Variants in ANK2 observed in about 807,000 individuals in gnomAD.
ANK2 encodes ankyrin-2.
In ANK2, 83 loss-of-function variants were observed where a neutral mutation model predicts 360.5. The ratio of observed to expected loss-of-function variants is 0.23; its 90% CI spans 0.19 to 0.28. The LOEUF (loss-of-function observed/expected upper bound fraction) is 0.28. Among genes scored for constraint, ANK2 ranks in the 10% least tolerant of loss-of-function variants. ANK2 has a pLI of 1.00. For missense variants in ANK2, 4,201 were observed against 4,795.7 expected (o/e 0.88, Z 3.66); for synonymous variants, 1,740 against 1,759.5 (o/e 0.99, Z 0.28).
chr4:113,120,881 CTT>C (rs2095311245), intron 1 of ANK2, among the ~76,000 whole-genome samples: 1 of 152,104 alleles, frequency 6.6e-6, no homozygotes, highest in African/African-American at 2.4e-5. Flanking sequence ...ATATTTATCA[CTT>C]AAATTCAGGA....
At position 113,244,773 on chromosome 4, in the gene ANK2, G is replaced by A. The variant is rs115439348; in HGVS notation, c.891+2564G>A. ...CTAATGCTATCCCTCTCCTACACCCGTCCCCCAACAGGCCCCAGTGTGCGA... is the reference window on the plus strand; with the variant it reads ...CTAATGCTATCCCTCTCCTACACCCATCCCCCAACAGGCCCCAGTGTGCGA... On this transcript the variant is annotated intron_variant, in intron 9 of 45. Transcript: ENST00000357077. Among the ~76,000 whole-genome samples the A allele has an allele frequency of 5.8e-3, 876 of 151,976 alleles. 8 individuals carry two copies. Among genetic ancestry groups the A allele is most frequent in the African/African-American group, 0.02 (828 of 41,460 alleles).
intron 1 of ANK2, among the ~76,000 whole-genome samples, chr4:113,143,031 G>A (rs1337466266): frequency 6.6e-6 from 1 of 151,320 alleles, no homozygotes; most frequent in Non-Finnish European, 1.5e-5. Flanking sequence ...GTTTAGGTCA[G>A]TGTAGTCCAG....
the ANK2 span, among the ~76,000 whole-genome samples, chr4:112,735,890 A>G: frequency 6.6e-6 from 1 of 151,842 alleles, no homozygotes; most frequent in Non-Finnish European, 1.5e-5. Flanking sequence ...ATTTCTATGA[A>G]TTTTTCTACA....
At chr4:113,096,458 A>G (rs2091073545) in intron 1 of ANK2, among the ~76,000 whole-genome samples, 1 of 152,144 alleles carries the variant, frequency 6.6e-6, no homozygotes, top group Admixed American at 6.6e-5. Context: ...CATCCTTACC[A>G]TGAGGCTTCC....
intron 2 of ANK2, among the ~76,000 whole-genome samples, chr4:113,013,514 G>A (rs17045354): frequency 0.56 from 84,874 of 152,030 alleles, 25,559 homozygotes; most frequent in Non-Finnish European, 0.69. Flanking sequence ...TATCTAAAAT[G>A]TAGGCAGTTT....
intron 2 of ANK2, among the ~76,000 whole-genome samples, chr4:112,936,380 C>G (rs1030137843): frequency 2.7e-5 from 4 of 150,842 alleles, no homozygotes; most frequent in African/African-American, 4.9e-5. Context: ...GAGTCCCACT[C>G]TGTCACCCAG....
chr4:113,381,964 C>G lies in ANK2; in HGVS notation c.*493C>G. 3.1e-6 allele frequency: 1 copy of G among 323,326 alleles called. No homozygotes were observed. Among genetic ancestry groups the G allele is most frequent in the Non-Finnish European group, 6.1e-6 (1 of 163,176 alleles). The allele number at this position is 323,326 out of a possible 1,614,324, so 20.0% of individuals were successfully genotyped here. A position where few individuals can be genotyped will look rare whatever the true frequency, so the allele number is the denominator to read the frequency against. On this transcript the variant is annotated 3_prime_UTR_variant, in exon 46 of 46. Coordinates refer to ENST00000357077, the MANE Select transcript of ANK2 (RefSeq NM_001148.6). Reference sequence around the variant, plus strand: ...CCATTGATCAGAAGAACTTCACCTGCAGACCTCTTCAAGTGACACTATGTA... The same window carrying G: ...CCATTGATCAGAAGAACTTCACCTGGAGACCTCTTCAAGTGACACTATGTA...
chr4:112,728,385 T>C, the ANK2 span, among the ~76,000 whole-genome samples: 2 of 147,276 alleles, frequency 1.4e-5, no homozygotes, highest in Non-Finnish European at 3.0e-5. Context: ...AATTTGAACC[T>C]AGAAACAAAT....
chr4:112,944,855 C>G (rs992064313), intron 2 of ANK2, among the ~76,000 whole-genome samples: 3 of 152,210 alleles, frequency 2.0e-5, no homozygotes, highest in Non-Finnish European at 2.9e-5. Flanking sequence ...AGGTAGCTCT[C>G]CCTCTGAGAG....
At chr4:113,377,941 T>A (rs2097014851) in intron 45 of ANK2, 1 of 272,838 alleles carries the variant, frequency 3.7e-6, no homozygotes, top group Non-Finnish European at 6.9e-6. Flanking sequence ...TAAATAAAAC[T>A]CCAAACTTAA....
intron 1 of ANK2, among the ~76,000 whole-genome samples, chr4:112,832,759 CATTTGGGATTGAAAAGGAGAA>C (rs1446529291): frequency 6.6e-6 from 1 of 152,082 alleles, no homozygotes; most frequent in Non-Finnish European, 1.5e-5. Context: ...TTCATTTTTC[CATTTGGGATTGAAAAGGAGAA>C]ATTTAGAAAA....
At chr4:113,049,024 G>A (rs750541726), upstream of ANK2, among the ~76,000 whole-genome samples, 2 of 152,002 alleles carry the variant, frequency 1.3e-5, no homozygotes, top group Middle Eastern at 6.8e-3. Context: ...GGGCAGTTGT[G>A]TAATACATTG....
At chr4:112,799,823 CTTTTTTTTT>C in the ANK2 span, among the ~76,000 whole-genome samples, 4 of 125,984 alleles carry the variant, frequency 3.2e-5, no homozygotes, top group Non-Finnish European at 5.0e-5. Flanking sequence ...CAGCCCACCT[CTTTTTTTTT>C]TTTTTTTTTT....
chr4:113,028,613 A>C (rs568218298), intron 2 of ANK2, among the ~76,000 whole-genome samples: 3 of 152,160 alleles, frequency 2.0e-5, no homozygotes, highest in Non-Finnish European at 4.4e-5. Flanking sequence ...GTATGAAGGA[A>C]GGCTGGAGAT....
At position 113,195,217 on chromosome 4, in the gene ANK2, A is replaced by G. The variant is rs544468268; in HGVS notation, c.187-1151A>G. Among the ~76,000 whole-genome samples the G allele has an allele frequency of 2.2e-4, 33 of 152,238 alleles. 1 individual carries two copies. The highest frequency in any genetic ancestry group is 7.5e-4 in the African/African-American group (31 of 41,566). ...CTGACTCTAGCATCATAATAAGATC[A>G]TTTTATTGACTGATTTCAATTCGGT... On this transcript the variant is annotated intron_variant, in intron 2 of 45. Coordinates refer to ENST00000357077, the MANE Select transcript of ANK2 (RefSeq NM_001148.6).
At chr4:112,810,159 ATTTT>A in the ANK2 span, among the ~76,000 whole-genome samples, 1,112 of 33,540 alleles carry the variant, frequency 0.033, no homozygotes, top group Non-Finnish European at 0.042. Context: ...ATATATATAT[ATTTT>A]TTTTTTTTTT....
chr4:112,989,666 C>T (rs1229379293), intron 2 of ANK2, among the ~76,000 whole-genome samples: 1 of 152,166 alleles, frequency 6.6e-6, no homozygotes, highest in Non-Finnish European at 1.5e-5. Context: ...TGTCAGCTCT[C>T]TCAAATTGTG....
chr4:113,226,243 C>T (rs890514855), intron 4 of ANK2, among the ~76,000 whole-genome samples: 17 of 152,106 alleles, frequency 1.1e-4, no homozygotes, highest in African/African-American at 4.1e-4. Flanking sequence ...TGTGTCAAAC[C>T]CCCGTACAAA....
intron 1 of ANK2, among the ~76,000 whole-genome samples, chr4:113,139,884 G>A (rs2096575394): frequency 6.6e-6 from 1 of 152,184 alleles, no homozygotes; most frequent in Admixed American, 6.5e-5. Flanking sequence ...GTTAATTGAT[G>A]TTTGTGGGCA....
Sources: gnomAD v4.1 joint callset for allele counts (sites outside exome capture counted in the v4.1 genomes callset) on GRCh38, gnomAD v4.1.1 for gene constraint, MANE v1.5 for transcripts, NCBI Gene and HGNC (gene_info 2026-07-23, HGNC 2026-07-21) for gene names.